The following CYRIB variants were observed in gnomAD, a reference collection of about 807,000 sequenced individuals.
CYRIB encodes the protein CYFIP-related Rac1 interactor B.
In CYRIB, 8 loss-of-function variants were observed where a neutral mutation model predicts 44.2. That is an observed-to-expected ratio of 0.18 (90% CI 0.11 to 0.33). CYRIB has a LOEUF of 0.33. Among genes scored for constraint, CYRIB ranks in the 10% least tolerant of loss-of-function variants. The probability of loss-of-function intolerance (pLI) is 1.00; values close to 1 mark genes in which losing one functional copy is unlikely to be tolerated. For missense variants in CYRIB, 185 were observed against 382.8 expected (o/e 0.48, Z 4.31); for synonymous variants, 131 against 127.2 (o/e 1.03, Z -0.20).
intron 11 of CYRIB, chr8:129,844,554 CTTTTT>C (rs573347077): frequency 6.6e-6 from 1 of 152,178 alleles, no homozygotes; most frequent in African/African-American, 2.4e-5. Flanking sequence ...TCCCAGCTCT[CTTTTT>C]TTCTTTCCCT....
chr8:129,872,833 C>G lies in CYRIB; in HGVS notation c.74-1337G>C, dbSNP rs187163170. 7.9e-5 allele frequency among the ~76,000 whole-genome samples: 12 copies of G among 152,116 alleles called. No homozygotes were observed. In the East Asian group the frequency reaches 2.3e-3, roughly 29 times the overall value. ...CTACCAATCATATAAAATTAGTTAACTAGACTTTTCTGCTCCTTTTCACCT... is the reference window on the plus strand; with the variant it reads ...CTACCAATCATATAAAATTAGTTAAGTAGACTTTTCTGCTCCTTTTCACCT... On this transcript the variant is annotated intron_variant, in intron 3 of 11. Transcript: ENST00000519824.
intron 2 of CYRIB, among the ~76,000 whole-genome samples, chr8:129,966,741 T>A (rs1458052022): frequency 6.6e-6 from 1 of 152,204 alleles, no homozygotes; most frequent in Non-Finnish European, 1.5e-5. Context: ...CCTCACTCCA[T>A]GGCCCAGGCT....
chr8:129,900,001 T>A (rs1563621592), intron 2 of CYRIB, among the ~76,000 whole-genome samples: 1 of 152,262 alleles, frequency 6.6e-6, no homozygotes, highest in East Asian at 1.9e-4. Context: ...TAACTCCATT[T>A]TGATTCTGAA....
chr8:129,975,516 A>T (rs2095879452), intron 1 of CYRIB, among the ~76,000 whole-genome samples: 1 of 152,234 alleles, frequency 6.6e-6, no homozygotes, highest in Admixed American at 6.5e-5. Flanking sequence ...AAAAAAGACA[A>T]AAACTTTTAT....
intron 1 of CYRIB, among the ~76,000 whole-genome samples, chr8:129,920,544 C>T (rs540674013): frequency 6.6e-6 from 1 of 152,162 alleles, no homozygotes. Flanking sequence ...AGATAGTCAC[C>T]CACAAACAGA....
intron 1 of CYRIB, among the ~76,000 whole-genome samples, chr8:130,006,658 ATATGTATATATATATG>A (rs1564801055): frequency 7.8e-6 from 1 of 128,368 alleles, no homozygotes; most frequent in Non-Finnish European, 1.6e-5. Context: ...ATACATATAT[ATATGTATATATATATG>A]TATATATATA....
intron 2 of CYRIB, among the ~76,000 whole-genome samples, chr8:129,897,765 T>C (rs544917793): frequency 2.6e-5 from 4 of 151,744 alleles, no homozygotes; most frequent in Admixed American, 2.6e-4. Context: ...CGAAACTCCA[T>C]CTAAATTTTT....
At chr8:129,845,590 T>A (rs2039480004) in intron 11 of CYRIB, among the ~76,000 whole-genome samples, 1 of 152,248 alleles carries the variant, frequency 6.6e-6, no homozygotes. Flanking sequence ...TATGCAACAC[T>A]TTTCATAATC....
intron 2 of CYRIB, among the ~76,000 whole-genome samples, chr8:129,895,726 A>G (rs899675719): frequency 6.6e-6 from 1 of 152,158 alleles, no homozygotes; most frequent in Admixed American, 6.5e-5. Context: ...TTATGAATAA[A>G]TGAATGAGGG....
chr8:129,933,763 A>G (rs2092218673), intron 1 of CYRIB, among the ~76,000 whole-genome samples: 1 of 151,968 alleles, frequency 6.6e-6, no homozygotes, highest in Non-Finnish European at 1.5e-5. Flanking sequence ...AGTCCCAGCT[A>G]CTCAGGAGGC....
In CYRIB at chr8:130,006,030, C is replaced by T. The variant is rs565802386; in HGVS notation, c.-296+10340G>A. 1.4e-4 allele frequency among the ~76,000 whole-genome samples: 22 copies of T among 152,158 alleles called. 1 individual carries two copies. The South Asian group carries it at 4.6e-3, about 32-fold the overall frequency. On this transcript the variant is annotated intron_variant, in intron 1 of 14. Coordinates refer to the CYRIB transcript ENST00000401979. ...TAAAAATATGACTCCAGGCTGGGCG[C>T]GGTAGCTCATGCCTGTAATCCCAGC...
intron 2 of CYRIB, among the ~76,000 whole-genome samples, chr8:129,893,556 C>T (rs570452113): frequency 6.6e-6 from 1 of 152,288 alleles, no homozygotes; most frequent in East Asian, 1.9e-4. Context: ...ATACTATTCA[C>T]AGTCTGTCAC....
intron 5 of CYRIB, among the ~76,000 whole-genome samples, chr8:129,858,963 G>A (rs188801668): frequency 2.0e-5 from 3 of 152,196 alleles, no homozygotes; most frequent in African/African-American, 4.8e-5. Flanking sequence ...GTGCAGAGAC[G>A]AGAGAGTGTA....
chr8:129,843,929 C>T (rs538835207), intron 11 of CYRIB: 8 of 151,630 alleles, frequency 5.3e-5, no homozygotes, highest in Admixed American at 5.3e-4. Flanking sequence ...TAAATACTTG[C>T]GGAAGGAAGA....
chr8:129,948,322 A>T (rs1324034059), intron 2 of CYRIB, among the ~76,000 whole-genome samples: 1 of 152,102 alleles, frequency 6.6e-6, no homozygotes, highest in Non-Finnish European at 1.5e-5. Context: ...GTTTTTCCCA[A>T]GGGATAGGCT....
At chr8:129,871,303 A>G in intron 4 of CYRIB, 72 bp downstream of exon 6, 1 of 1,504,258 alleles carries the variant, frequency 6.6e-7, no homozygotes. Flanking sequence ...TCTGAAGTCT[A>G]GAAAACAAGA....
intron 1 of CYRIB, among the ~76,000 whole-genome samples, chr8:130,006,613 T>TATGTATATATATATACAC (rs1554784963): frequency 1.4e-3 from 16 of 11,632 alleles, no homozygotes; most frequent in Middle Eastern, 0.042. Flanking sequence ...TATACATATA[T>TATGTATATATATATACAC]ATGTGTATAT....
At chr8:129,877,692 G>A (rs936963592) in intron 3 of CYRIB, among the ~76,000 whole-genome samples, 1 of 148,344 alleles carries the variant, frequency 6.7e-6, no homozygotes, top group Non-Finnish European at 1.5e-5. Flanking sequence ...GTGTGTGTGT[G>A]TGTGTATAAA....
intron 3 of CYRIB, among the ~76,000 whole-genome samples, chr8:129,874,385 T>C (rs181167693): frequency 3.3e-5 from 5 of 152,166 alleles, no homozygotes; most frequent in Admixed American, 2.0e-4. Context: ...TCAATATAAC[T>C]GCTAAAATTG....
Sources: allele counts gnomAD v4.1 joint callset (sites outside exome capture counted in the v4.1 genomes callset), GRCh38; gene constraint gnomAD v4.1.1; transcripts MANE v1.5; gene names NCBI Gene and HGNC (gene_info 2026-07-23, HGNC 2026-07-21).